Variants in ATL1 observed in about 807,000 individuals in gnomAD.
ATL1 encodes atlastin-1.
In ATL1, 31 loss-of-function variants were observed where a neutral mutation model predicts 75.5. The ratio of observed to expected loss-of-function variants is 0.41; its 90% CI spans 0.31 to 0.55. ATL1 has a LOEUF of 0.55. ATL1 is among the 20% of genes least tolerant of loss of function. The pLI is 0.27. For missense variants in ATL1, 405 were observed against 662.6 expected (o/e 0.61, Z 4.27); for synonymous variants, 226 against 233.3 (o/e 0.97, Z 0.28).
At chr14:50,578,441 A>G (rs1242711970) in intron 1 of ATL1, among the ~76,000 whole-genome samples, 2 of 152,162 alleles carry the variant, frequency 1.3e-5, no homozygotes, top group Admixed American at 6.5e-5. Flanking sequence ...AGTGTTTTCC[A>G]TTACTCTCAC....
Position 50,534,968 on chromosome 14 carries a change from T to A in ATL1, c.-140+1601T>A, listed in dbSNP as rs529871029. Among the ~76,000 whole-genome samples the A allele has an allele frequency of 2.6e-5, 4 of 152,176 alleles. No individual in the cohort carries two copies. The South Asian group carries it at 8.3e-4, about 32-fold the overall frequency. On this transcript the variant is annotated intron_variant, in intron 1 of 13. Coordinates refer to the ATL1 transcript ENST00000441560. ...AGTTTATGTAATAATATGTTAGTTATGTCATGGTAACTGACCAGAGAGTTT... is the reference window on the plus strand; with the variant it reads ...AGTTTATGTAATAATATGTTAGTTAAGTCATGGTAACTGACCAGAGAGTTT...
At chr14:50,632,153 G>A (rs944812622) in intron 13 of ATL1, 76 bp from the exon 14 acceptor site, 38 of 956,130 alleles carry the variant, frequency 4.0e-5, no homozygotes, top group South Asian at 3.2e-4. Context: ...TATACAGTAC[G>A]ATAAACTAAA....
chr14:50,584,750 T>C (rs979558747), intron 1 of ATL1, among the ~76,000 whole-genome samples: 1 of 151,196 alleles, frequency 6.6e-6, no homozygotes, highest in Non-Finnish European at 1.5e-5. Flanking sequence ...TAAAATAAAA[T>C]AGAATATATA....
chr14:50,536,471 A>G (rs2038494683), intron 1 of ATL1, among the ~76,000 whole-genome samples: 1 of 150,434 alleles, frequency 6.6e-6, no homozygotes, highest in Non-Finnish European at 1.5e-5. Flanking sequence ...TTACCAGTAG[A>G]GTGAGATGTT....
upstream of ATL1, among the ~76,000 whole-genome samples, chr14:50,555,221 G>C (rs915208373): frequency 6.6e-6 from 1 of 152,160 alleles, no homozygotes; most frequent in Non-Finnish European, 1.5e-5. Flanking sequence ...GAAGCCCCAA[G>C]TGAAAGATGG....
chr14:50,564,719 T>C (rs1229905090), intron 1 of ATL1, among the ~76,000 whole-genome samples: 1 of 141,838 alleles, frequency 7.1e-6, no homozygotes, highest in Non-Finnish European at 1.5e-5. Flanking sequence ...CGCAGCAAAG[T>C]ATCAGCTTTG....
chr14:50,563,071 C>T (rs1191363348), intron 1 of ATL1, among the ~76,000 whole-genome samples: 1 of 152,180 alleles, frequency 6.6e-6, no homozygotes, highest in African/African-American at 2.4e-5. Flanking sequence ...ATTCCTTTAT[C>T]TTCTATCTCT....
Position 50,591,514 on chromosome 14 carries a change from A to G in ATL1, c.418-21A>G, listed in dbSNP as rs752643685. On this transcript the variant is annotated intron_variant, in intron 3 of 13. Coordinates refer to ENST00000358385, the MANE Select transcript of ATL1 (RefSeq NM_015915.5). ...CTAGATGTTCTATAAAATATCAATA[A>G]TGTACTCTTCTTGCCTGTAGGTTGC... 4.0e-6 allele frequency: 6 copies of G among 1,512,338 alleles called. No homozygotes were observed. The South Asian group carries it at 5.6e-5, about 14-fold the overall frequency. 93.7% of individuals were successfully genotyped at this position (1,512,338 alleles called of 1,614,324 possible). A position where few individuals can be genotyped will look rare whatever the true frequency, so the allele number is the denominator to read the frequency against.
intron 1 of ATL1, among the ~76,000 whole-genome samples, chr14:50,544,808 G>T (rs533860716): frequency 1.3e-5 from 2 of 151,892 alleles, no homozygotes; most frequent in African/African-American, 4.8e-5. Context: ...ATGGTGGCAT[G>T]ACGCTATAAA....
intron 1 of ATL1, among the ~76,000 whole-genome samples, chr14:50,570,758 T>C (rs2038948040): frequency 6.6e-6 from 1 of 152,220 alleles, no homozygotes; most frequent in Non-Finnish European, 1.5e-5. Context: ...GCCAGTACTT[T>C]CTTCTTTCTT....
chr14:50,569,014 G>A (rs1421435101), intron 1 of ATL1, among the ~76,000 whole-genome samples: 1 of 151,860 alleles, frequency 6.6e-6, no homozygotes, highest in Non-Finnish European at 1.5e-5. Flanking sequence ...TATACATATT[G>A]TGTGTCCAAA....
intron 1 of ATL1, among the ~76,000 whole-genome samples, chr14:50,569,193 A>C (rs568697162): frequency 7.6e-4 from 113 of 149,612 alleles, no homozygotes; most frequent in Non-Finnish European, 1.3e-3. Flanking sequence ...TTTCTCCACA[A>C]AAAAAAAAAT....
chr14:50,620,777 G>A, intron 9 of ATL1, 51 bp downstream of exon 9: 1 of 1,603,712 alleles, frequency 6.2e-7, no homozygotes, highest in Non-Finnish European at 8.5e-7. Context: ...ACATATATTG[G>A]ATCGTAATTC....
At chr14:50,577,387 A>G (rs2039016199) in intron 1 of ATL1, among the ~76,000 whole-genome samples, 1 of 152,186 alleles carries the variant, frequency 6.6e-6, no homozygotes, top group Non-Finnish European at 1.5e-5. Context: ...AAATACAAAG[A>G]TGAATAATAC....
At chr14:50,540,643 G>A (rs1406443672) in intron 1 of ATL1, among the ~76,000 whole-genome samples, 2 of 152,146 alleles carry the variant, frequency 1.3e-5, no homozygotes, top group Non-Finnish European at 2.9e-5. Context: ...CAAAATTCCA[G>A]TGATTAAAGT....
chr14:50,538,032 AATGGT>A (rs2140141946), intron 1 of ATL1, among the ~76,000 whole-genome samples: 1 of 152,302 alleles, frequency 6.6e-6, no homozygotes, highest in Admixed American at 6.5e-5. Flanking sequence ...CCGGGGGCAG[AATGGT>A]ATGGTTTGGC....
intron 11 of ATL1, among the ~76,000 whole-genome samples, chr14:50,626,947 G>C (rs543595119): frequency 3.8e-4 from 58 of 152,248 alleles, no homozygotes; most frequent in African/African-American, 1.3e-3. Flanking sequence ...AATAAAGTTA[G>C]TTGATAAAGC....
intron 10 of ATL1, among the ~76,000 whole-genome samples, chr14:50,622,361 T>C (rs2140233976): frequency 6.6e-6 from 1 of 152,166 alleles, no homozygotes; most frequent in Admixed American, 6.5e-5. Context: ...AGACCTCATA[T>C]CTAAAAAATA....
chr14:50,576,466 AT>A (rs762426401), intron 1 of ATL1, among the ~76,000 whole-genome samples: 9 of 152,006 alleles, frequency 5.9e-5, no homozygotes, highest in Non-Finnish European at 1.0e-4. Context: ...TCTCTTTAGG[AT>A]TTGCACAGTA....
Sources: gnomAD v4.1 joint callset for allele counts (sites outside exome capture counted in the v4.1 genomes callset) on GRCh38, gnomAD v4.1.1 for gene constraint, MANE v1.5 for transcripts, NCBI Gene and HGNC (gene_info 2026-07-23, HGNC 2026-07-21) for gene names.